PCDHGB5: variants seen among roughly 807,000 people sequenced by gnomAD.
PCDHGB5 encodes protocadherin gamma-B5.
A neutral mutation model predicts 62.9 loss-of-function variants in PCDHGB5; 48 were observed. The observed-to-expected ratio is 0.76, with a 90% CI of 0.61 to 0.97. PCDHGB5 has a LOEUF of 0.97. PCDHGB5 is among the 50% of genes least tolerant of loss of function. The pLI, the probability that PCDHGB5 is intolerant of heterozygous loss-of-function variation, is 0.00. For missense variants in PCDHGB5, 1,118 were observed against 1,198.6 expected (o/e 0.93, Z 0.99); for synonymous variants, 474 against 511.2 (o/e 0.93, Z 0.98).
At position 141,419,994 on chromosome 5, in the gene PCDHGB5, C is replaced by T. The variant is rs757658202; in HGVS notation, c.2397+19470C>T. 1.9e-6 allele frequency: 3 copies of T among 1,614,072 alleles called. No homozygotes were observed. Among genetic ancestry groups the T allele is most frequent in the East Asian group, 4.5e-5 (2 of 44,884 alleles). ...CTCCTCGCGGTGATTCTAGCTATTG[C>T]TCTACGCCTGCGACAGTCTTTCAGC... On this transcript the variant is annotated intron_variant, in intron 1 of 3. Coordinates refer to ENST00000617380, the MANE Select transcript of PCDHGB5 (RefSeq NM_018925.3).
At chr5:141,403,350 TC>T in intron 1 of PCDHGB5, 2 of 1,613,994 alleles carry the variant, frequency 1.2e-6, no homozygotes, top group Non-Finnish European at 1.7e-6. Flanking sequence ...GCCCCAAAGT[TC>T]CAGGCCGAAA....
In PCDHGB5 at chr5:141,398,242, G is replaced by A. The variant is rs768096349; in HGVS notation, c.115G>A (p.Glu39Lys). 7.5e-6 allele frequency: 11 copies of A among 1,476,422 alleles called. No homozygotes were observed. Among genetic ancestry groups the A allele is most frequent in the Admixed American group, 6.1e-5 (3 of 49,014 alleles). The allele number at this position is 1,476,422 out of a possible 1,614,324, so 91.5% of individuals were successfully genotyped here. Residue 39 changes from glutamate to lysine, a missense_variant, in exon 1 of 4, where the codon GAG becomes AAG. By Grantham distance (56) the Glu-to-Lys change is moderately conservative. Around this residue, in one of 2 missense-constraint regions of PCDHGB5, gnomAD observed 84 missense variants for 169.5 expected, o/e 0.50. Coordinates refer to ENST00000617380, the MANE Select transcript of PCDHGB5 (RefSeq NM_018925.3). ...TGAGCAGATCCGCTACAGGATTCCC[G>A]AGGAAATGCCCAAGGGCTCCGTAGT... ...LCEQIRYRIP[E>K]EMPKGSVVGN... is the part of the protein sequence containing the mutation.
intron 1 of PCDHGB5, chr5:141,427,798 T>C: frequency 6.6e-7 from 1 of 1,506,550 alleles, no homozygotes; most frequent in South Asian, 1.1e-5. Flanking sequence ...TACGTGTCCG[T>C]GAGCGCACAG....
intron 1 of PCDHGB5, among the ~76,000 whole-genome samples, chr5:141,443,728 C>A (rs1434984241): frequency 1.3e-5 from 2 of 152,060 alleles, no homozygotes; most frequent in African/African-American, 2.4e-5. Flanking sequence ...ATTCCTCATA[C>A]ATTTCCCTAT....
chr5:141,403,004 T>A, intron 1 of PCDHGB5: 1 of 1,613,990 alleles, frequency 6.2e-7, no homozygotes, highest in Non-Finnish European at 8.5e-7. Context: ...CCTGCTATGC[T>A]CGCTCCTGGG....
chr5:141,398,088 C>T lies in PCDHGB5; in HGVS notation c.-40C>T, dbSNP rs781722295. On this transcript the variant is annotated 5_prime_UTR_variant, in exon 1 of 4. Coordinates refer to ENST00000617380, the MANE Select transcript of PCDHGB5 (RefSeq NM_018925.3). ...AATACAGAGGTTATTTGTAACCTGGCGTCTCCAGGCTGGTGAGCAAGCTGA... is the reference window on the plus strand; with the variant it reads ...AATACAGAGGTTATTTGTAACCTGGTGTCTCCAGGCTGGTGAGCAAGCTGA... The T allele has an allele frequency of 1.1e-5, 18 of 1,598,420 alleles. 1 individual carries two copies. In the South Asian group the frequency reaches 1.9e-4, roughly 17 times the overall value.
intron 1 of PCDHGB5, chr5:141,421,232 C>T (rs748347420): frequency 2.5e-6 from 4 of 1,590,252 alleles, no homozygotes; most frequent in African/African-American, 2.7e-5. Flanking sequence ...CCTGCCATGG[C>T]GAATCGGCTA....
chr5:141,423,865 T>G, intron 1 of PCDHGB5: 1 of 1,285,992 alleles, frequency 7.8e-7, no homozygotes, highest in Non-Finnish European at 9.9e-7. Flanking sequence ...TTTGTGAAAG[T>G]CATTTTTCAA....
intron 1 of PCDHGB5, chr5:141,427,502 G>A (rs1276688816): frequency 1.7e-6 from 1 of 576,718 alleles, no homozygotes; most frequent in East Asian, 4.0e-5. Flanking sequence ...TAACAGATGG[G>A]ACCCTGGATT....
intron 1 of PCDHGB5, chr5:141,409,619 C>A: frequency 6.2e-7 from 1 of 1,613,898 alleles, no homozygotes; most frequent in Non-Finnish European, 8.5e-7. Flanking sequence ...CTCCATTGCG[C>A]AAGTGAGCGC....
rs144317211 is a variant in PCDHGB5 at position 141,432,088 on chromosome 5, A to G, written c.2397+31564A>G. On this transcript the variant is annotated intron_variant, in intron 1 of 3. Transcript: ENST00000617380. This position sits in a 1 kb window ranked among gnomAD's most constrained non-coding sequence, Gnocchi z 6.0. Reference sequence around the variant, plus strand: ...AAACTCATATCTCGCTGAACGTGGCAGACACCAACGACAACCCGCCGGTCT... The same window carrying G: ...AAACTCATATCTCGCTGAACGTGGCGGACACCAACGACAACCCGCCGGTCT... The G allele has an allele frequency of 6.2e-7, 1 of 1,614,148 alleles. No individual in the cohort carries two copies. Among genetic ancestry groups the G allele is most frequent in the South Asian group, 1.1e-5 (1 of 91,074 alleles).
chr5:141,421,491 A>G (rs934861223), intron 1 of PCDHGB5: 8 of 1,614,102 alleles, frequency 5.0e-6, no homozygotes, highest in Non-Finnish European at 6.8e-6. Context: ...TGATCACGGC[A>G]GGCAGGATAG....
In PCDHGB5 at chr5:141,476,836, T is replaced by C. The variant is rs772607917; in HGVS notation, c.2398-17971T>C. On this transcript the variant is annotated intron_variant, in intron 1 of 3. Coordinates refer to ENST00000617380, the MANE Select transcript of PCDHGB5 (RefSeq NM_018925.3). The surrounding 1 kb of genome is among the most constrained non-coding windows in gnomAD (Gnocchi z 7.6). ...TCAAGGTGCTGGACGCGAATGACAATGCGCCTGTCTTCAACCAGTCCTTGT... is the reference window on the plus strand; with the variant it reads ...TCAAGGTGCTGGACGCGAATGACAACGCGCCTGTCTTCAACCAGTCCTTGT... 1.9e-6 allele frequency: 3 copies of C among 1,613,652 alleles called. 1 individual carries two copies. The highest frequency in any genetic ancestry group is 2.2e-5 in the East Asian group (1 of 44,852).
intron 3 of PCDHGB5, chr5:141,507,285 C>T (rs80317708): frequency 2.7e-5 from 4 of 150,212 alleles, no homozygotes; most frequent in African/African-American, 7.4e-5. Flanking sequence ...ATAAGTCAGT[C>T]TCAAATGTTG....
chr5:141,444,305 A>G (rs62379165), intron 1 of PCDHGB5, among the ~76,000 whole-genome samples: 13,327 of 151,310 alleles, frequency 0.088, 765 homozygotes, highest in African/African-American at 0.16. Context: ...CCTAGTAGCT[A>G]GGATTACAGG....
At chr5:141,436,300 G>A (rs966232889) in intron 1 of PCDHGB5, among the ~76,000 whole-genome samples, 1 of 152,180 alleles carries the variant, frequency 6.6e-6, no homozygotes, top group African/African-American at 2.4e-5. Flanking sequence ...TTGAGAGTTA[G>A]AGCATGAATA....
chr5:141,420,079 C>A, intron 1 of PCDHGB5: 1 of 1,613,998 alleles, frequency 6.2e-7, no homozygotes, highest in Non-Finnish European at 8.5e-7. Flanking sequence ...CTGTGGGTCC[C>A]CCCAACTACA....
chr5:141,413,135 T>TGTCC (rs767378713), intron 1 of PCDHGB5: 1 of 1,545,632 alleles, frequency 6.5e-7, no homozygotes, highest in Non-Finnish European at 8.7e-7. Context: ...ACACACAACG[T>TGTCC]GTCCAGTGAG....
In PCDHGB5 at chr5:141,410,620, G is replaced by C. The variant is rs765125633; in HGVS notation, c.2397+10096G>C. ...CTTCACATCCTGAGACTCTGACTTC[G>C]GTGAGTTTCTCTTTTTTGTGTGTGA... On this transcript the variant is annotated intron_variant, in intron 1 of 3. Coordinates refer to ENST00000617380, the MANE Select transcript of PCDHGB5 (RefSeq NM_018925.3). The C allele has an allele frequency of 3.4e-5, 55 of 1,603,406 alleles. 1 individual carries two copies. The highest frequency in any genetic ancestry group is 2.8e-4 in the Admixed American group (17 of 59,744).
Sources: allele counts gnomAD v4.1 joint callset (sites outside exome capture counted in the v4.1 genomes callset), GRCh38; gene constraint gnomAD v4.1.1; regional missense constraint gnomAD v4.1.1; non-coding constraint Gnocchi (gnomAD v3.1); transcripts MANE v1.5; gene names NCBI Gene and HGNC (gene_info 2026-07-23, HGNC 2026-07-21).